RAB30: variants seen among roughly 807,000 people sequenced by gnomAD.
The protein encoded by RAB30 is ras-related protein Rab-30.
Under a neutral mutation model 25.1 loss-of-function variants are expected in RAB30, and 9 were observed. The ratio of observed to expected loss-of-function variants is 0.36; its 90% CI spans 0.22 to 0.63. The LOEUF (loss-of-function observed/expected upper bound fraction) is 0.63, where lower values mean the gene tolerates loss of function less well. Ranked by LOEUF, RAB30 falls within the 20% of genes least tolerant of loss-of-function variation. The pLI is 0.69. For synonymous variants in RAB30, 77 were observed against 86.4 expected (o/e 0.89, Z 0.60); for missense variants, 140 against 243.5 (o/e 0.58, Z 2.83).
chr11:83,021,923 A>C (rs1172837674), intron 1 of RAB30, among the ~76,000 whole-genome samples: 3 of 152,194 alleles, frequency 2.0e-5, no homozygotes, highest in African/African-American at 7.2e-5. Context: ...TATCTCTCCA[A>C]CAAGATGTTC....
intron 4 of RAB30, among the ~76,000 whole-genome samples, chr11:82,983,969 G>A (rs190689837): frequency 0.013 from 1,961 of 152,152 alleles, 21 homozygotes; most frequent in Non-Finnish European, 0.02. Context: ...TTTGGCATAG[G>A]AAAAAGGAAA....
At chr11:83,011,092 TA>T (rs1351668279) in intron 1 of RAB30, among the ~76,000 whole-genome samples, 2 of 152,252 alleles carry the variant, frequency 1.3e-5, no homozygotes, top group African/African-American at 4.8e-5. Context: ...AGAGACCTTT[TA>T]TTTTTGAAGT....
intron 1 of RAB30, among the ~76,000 whole-genome samples, chr11:83,060,849 A>G (rs1024239669): frequency 6.6e-6 from 1 of 152,196 alleles, no homozygotes; most frequent in African/African-American, 2.4e-5. Flanking sequence ...ACCACCACCA[A>G]TGTTGGTGGG....
intron 1 of RAB30, among the ~76,000 whole-genome samples, chr11:82,997,865 C>G (rs1381913603): frequency 6.6e-6 from 1 of 152,146 alleles, no homozygotes; most frequent in Admixed American, 6.5e-5. Context: ...CATCTTTCCC[C>G]TCTATCTCCT....
At chr11:83,027,532 T>A (rs368815148) in intron 1 of RAB30, among the ~76,000 whole-genome samples, 11 of 152,260 alleles carry the variant, frequency 7.2e-5, no homozygotes, top group Non-Finnish European at 1.6e-4. Context: ...CCCATCCAGA[T>A]CACCGTACCG....
rs142820376 is a variant in RAB30, at chr11:83,024,107, C to T, written c.-8-26783G>A. ...AGCCCCAGTACTTACTTCTGCTTTGCCTTTCTGATGCCCCATTTTCTCATC... is the reference window on the plus strand; with the variant it reads ...AGCCCCAGTACTTACTTCTGCTTTGTCTTTCTGATGCCCCATTTTCTCATC... On this transcript the variant is annotated intron_variant, in intron 1 of 4. Coordinates refer to ENST00000527633, the MANE Select transcript of RAB30 (RefSeq NM_001286060.2). Among the ~76,000 whole-genome samples, 1,216 of 152,306 alleles carry T rather than the reference C, an allele frequency of 8.0e-3. 13 individuals are homozygous for T. Among genetic ancestry groups the T allele is most frequent in the Non-Finnish European group, 9.7e-3 (660 of 68,022 alleles).
chr11:82,978,010 A>C lies in RAB30; in HGVS notation c.*4155T>G, dbSNP rs1326952039. 6.6e-6 allele frequency: 1 copy of C among 152,208 alleles called. No individual in the cohort carries two copies. The highest frequency in any genetic ancestry group is 2.4e-5 in the African/African-American group (1 of 41,456). The allele number at this position is 152,208 out of a possible 1,614,324, so 9.4% of individuals were successfully genotyped here. A position where few individuals can be genotyped will look rare whatever the true frequency, so the allele number is the denominator to read the frequency against. On this transcript the variant is annotated 3_prime_UTR_variant, in exon 5 of 5. Transcript: ENST00000527633. Reference sequence around the variant, plus strand: ...AGAAATGAAATCCAAAAAGAAAGTAAAGAAAACATATCCCTCCCTTATCCC... The same window carrying C: ...AGAAATGAAATCCAAAAAGAAAGTACAGAAAACATATCCCTCCCTTATCCC...
At chr11:83,014,674 GAA>G (rs1202952069) in intron 1 of RAB30, among the ~76,000 whole-genome samples, 1 of 144,846 alleles carries the variant, frequency 6.9e-6, no homozygotes. Context: ...AAGAAAGAAA[GAA>G]AGAAAGAAAG....
At chr11:83,002,020 C>CAG (rs1283945318) in intron 1 of RAB30, among the ~76,000 whole-genome samples, 4 of 152,142 alleles carry the variant, frequency 2.6e-5, no homozygotes, top group Non-Finnish European at 5.9e-5. Flanking sequence ...GAAGCTGAGA[C>CAG]AGAGATATCA....
At chr11:83,013,722 G>T (rs1440779990) in intron 1 of RAB30, among the ~76,000 whole-genome samples, 2 of 152,124 alleles carry the variant, frequency 1.3e-5, no homozygotes, top group Non-Finnish European at 2.9e-5. Flanking sequence ...TGCGTTGGAG[G>T]ACCCAAAGTG....
At chr11:83,055,861 A>G (rs1256679191) in intron 1 of RAB30, among the ~76,000 whole-genome samples, 2 of 152,238 alleles carry the variant, frequency 1.3e-5, no homozygotes, top group African/African-American at 2.4e-5. Flanking sequence ...AAAAGCAGAG[A>G]GTATCCTTCA....
In RAB30 at chr11:83,064,180, T is replaced by C. The variant is rs186783460; in HGVS notation, c.-9+7511A>G. On this transcript the variant is annotated intron_variant, in intron 1 of 4. Coordinates refer to ENST00000527633, the MANE Select transcript of RAB30 (RefSeq NM_001286060.2). ...CAGGGCTCACTGCAGCCTTGACCTC[T>C]GGGGCTTAAGGGATCCTCCTGCCTC... Among the ~76,000 whole-genome samples, 110 of 152,286 alleles carry C rather than the reference T, an allele frequency of 7.2e-4. 2 individuals are homozygous for C. In the East Asian group the frequency reaches 0.021, roughly 29 times the overall value.
At chr11:82,994,839 A>G (rs1173964350) in intron 2 of RAB30, among the ~76,000 whole-genome samples, 1 of 152,210 alleles carries the variant, frequency 6.6e-6, no homozygotes, top group Non-Finnish European at 1.5e-5. Flanking sequence ...GGGTAGAAAC[A>G]GCACTAAACC....
chr11:83,067,709 C>T (rs568539942), intron 1 of RAB30, among the ~76,000 whole-genome samples: 21 of 152,142 alleles, frequency 1.4e-4, no homozygotes, highest in African/African-American at 4.3e-4. Flanking sequence ...AAGTTAGTGT[C>T]GGCCGGGCAT....
intron 1 of RAB30, chr11:83,035,308 G>A (rs1857963762): frequency 6.6e-6 from 1 of 152,106 alleles, no homozygotes; most frequent in Admixed American, 6.6e-5. Context: ...TCCCCAGCAG[G>A]TAATGCATAT....
intron 1 of RAB30, among the ~76,000 whole-genome samples, chr11:83,007,297 G>A (rs1051316329): frequency 1.3e-5 from 2 of 152,174 alleles, no homozygotes; most frequent in Non-Finnish European, 2.9e-5. Context: ...GGTGGAGTTA[G>A]GAGGAAGGAG....
chr11:83,046,316 T>C (rs1858232193), intron 1 of RAB30, among the ~76,000 whole-genome samples: 2 of 152,064 alleles, frequency 1.3e-5, no homozygotes, highest in South Asian at 4.2e-4. Flanking sequence ...AGGCCTGACC[T>C]CTAGGGATCC....
intron 1 of RAB30, among the ~76,000 whole-genome samples, chr11:83,031,614 G>A (rs12283664): frequency 0.15 from 22,842 of 150,494 alleles, 1,824 homozygotes; most frequent in Middle Eastern, 0.23. Flanking sequence ...CGCAACCTCC[G>A]TTTCCCGGGT....
chr11:83,004,230 A>T (rs1268989179), intron 1 of RAB30, among the ~76,000 whole-genome samples: 1 of 152,196 alleles, frequency 6.6e-6, no homozygotes, highest in Non-Finnish European at 1.5e-5. Flanking sequence ...GGGTTGCCAG[A>T]TATAGTTTTT....
Sources: gnomAD v4.1 joint callset for allele counts (sites outside exome capture counted in the v4.1 genomes callset) on GRCh38, gnomAD v4.1.1 for gene constraint, MANE v1.5 for transcripts, NCBI Gene and HGNC (gene_info 2026-07-23, HGNC 2026-07-21) for gene names.